Variants in DPYD observed in about 807,000 individuals in gnomAD.
DPYD encodes dihydropyrimidine dehydrogenase [NADP(+)].
In DPYD, 109 loss-of-function variants were observed where a neutral mutation model predicts 116.2. The ratio of observed to expected loss-of-function variants is 0.94; its 90% CI spans 0.80 to 1.10. DPYD has a LOEUF of 1.10. DPYD is among the 50% of genes least tolerant of loss of function. The pLI is 0.00. For missense variants in DPYD, 1,302 were observed against 1,254.5 expected (o/e 1.04, Z -0.57); for synonymous variants, 440 against 432.0 (o/e 1.02, Z -0.23).
intron 16 of DPYD, among the ~76,000 whole-genome samples, chr1:97,314,194 T>A (rs1169844059): frequency 6.6e-6 from 1 of 151,922 alleles, no homozygotes. Context: ...ACCATGATCC[T>A]TTCTGTCTGA....
intron 19 of DPYD, among the ~76,000 whole-genome samples, chr1:97,195,401 A>G (rs1470770045): frequency 1.3e-5 from 2 of 150,914 alleles, no homozygotes; most frequent in Non-Finnish European, 2.9e-5. Context: ...CTTTGATTAA[A>G]TACATTTTAT....
At chr1:97,505,126 T>C (rs1442864697) in intron 13 of DPYD, among the ~76,000 whole-genome samples, 5 of 152,038 alleles carry the variant, frequency 3.3e-5, no homozygotes, top group Non-Finnish European at 7.4e-5. Flanking sequence ...AAACCAGTTT[T>C]GTCAGAAAAG....
At chr1:97,151,706 TA>T (rs1655038855) in intron 20 of DPYD, among the ~76,000 whole-genome samples, 1 of 151,474 alleles carries the variant, frequency 6.6e-6, no homozygotes, top group African/African-American at 2.4e-5. Flanking sequence ...ATAAAAAAAT[TA>T]AAAAATGAAA....
chr1:97,297,190 T>C (rs989316588), intron 18 of DPYD, among the ~76,000 whole-genome samples: 2 of 152,184 alleles, frequency 1.3e-5, no homozygotes, highest in African/African-American at 2.4e-5. Context: ...AATTGAAACG[T>C]TGGACTCTCC....
chr1:97,738,047 A>G (rs181175510), intron 4 of DPYD, among the ~76,000 whole-genome samples: 4 of 152,274 alleles, frequency 2.6e-5, no homozygotes, highest in East Asian at 3.9e-4. Context: ...AAAATCATGG[A>G]AAAATCGATG....
chr1:97,480,127 ATT>A (rs930044053), intron 13 of DPYD, among the ~76,000 whole-genome samples: 1 of 151,738 alleles, frequency 6.6e-6, no homozygotes. Flanking sequence ...AAGAAAAATA[ATT>A]TTTTTTTACT....
At chr1:97,722,085 T>C (rs1348917904) in intron 4 of DPYD, among the ~76,000 whole-genome samples, 1 of 151,658 alleles carries the variant, frequency 6.6e-6, no homozygotes, top group Non-Finnish European at 1.5e-5. Flanking sequence ...TATACTCAGG[T>C]TATCCTCCAT....
At chr1:97,147,535 G>A (rs917714277) in intron 20 of DPYD, among the ~76,000 whole-genome samples, 2 of 152,114 alleles carry the variant, frequency 1.3e-5, no homozygotes, top group African/African-American at 2.4e-5. Context: ...ATATGTAAAG[G>A]GTCTGGAGAA....
At chr1:97,082,931 T>A (rs947435804) in intron 21 of DPYD, among the ~76,000 whole-genome samples, 6 of 152,140 alleles carry the variant, frequency 3.9e-5, no homozygotes, top group African/African-American at 1.4e-4. Context: ...TTTCACTGCA[T>A]GAGGATTTTA....
At position 97,474,271 on chromosome 1, in the gene DPYD, T is replaced by TA. The variant is rs1288243730; in HGVS notation, c.1741-24049dup. Among the ~76,000 whole-genome samples, 12 of 152,250 alleles carry TA rather than the reference T, an allele frequency of 7.9e-5. No homozygotes were observed. In the South Asian group the frequency reaches 8.3e-4, roughly 11 times the overall value. ...CCAGAAATGCAATTAATTTGTATTC[T>TA]AAATGTAAATATAAATATTAACACA... On this transcript the variant is annotated intron_variant, in intron 13 of 22. Transcript: ENST00000370192.
intron 8 of DPYD, among the ~76,000 whole-genome samples, chr1:97,654,577 C>A (rs1232499398): frequency 4.6e-5 from 7 of 152,044 alleles, no homozygotes; most frequent in African/African-American, 7.2e-5. Flanking sequence ...TGTATAGAAT[C>A]TCCAATACAT....
At chr1:97,654,363 T>C (rs1658771958) in intron 8 of DPYD, among the ~76,000 whole-genome samples, 1 of 152,174 alleles carries the variant, frequency 6.6e-6, no homozygotes. Flanking sequence ...CACTAAATTC[T>C]TTAAGGAATT....
intron 3 of DPYD, among the ~76,000 whole-genome samples, chr1:97,802,917 G>T (rs1435345998): frequency 6.6e-6 from 1 of 151,774 alleles, no homozygotes; most frequent in Non-Finnish European, 1.5e-5. Flanking sequence ...AAACTAAACT[G>T]AACTGGCAAG....
In DPYD at chr1:97,078,091, A is replaced by G. The variant is rs1294669117; in HGVS notation, c.*885T>C. 2.6e-5 allele frequency: 4 copies of G among 152,182 alleles called. No individual in the cohort carries two copies. The highest frequency in any genetic ancestry group is 9.6e-5 in the African/African-American group (4 of 41,460). 9.4% of individuals were successfully genotyped at this position (152,182 alleles called of 1,614,324 possible). On this transcript the variant is annotated 3_prime_UTR_variant, in exon 23 of 23. Coordinates refer to ENST00000370192, the MANE Select transcript of DPYD (RefSeq NM_000110.4). ...GGCACACTTAATATATATTATCAAC[A>G]TTATATTTTTCATTCTTGAATAATG...
chr1:97,740,517 T>C, intron 3 of DPYD, 38 bp from the exon 4 acceptor site: 2 of 1,525,966 alleles, frequency 1.3e-6, no homozygotes, highest in Non-Finnish European at 1.8e-6. Flanking sequence ...AACTACAAGA[T>C]AAGTGAGATA....
rs770741452 is a variant in DPYD, at chr1:97,082,425, A to G, written c.2812T>C (p.Leu938=). The G allele has an allele frequency of 1.2e-6, 2 of 1,613,674 alleles. No individual in the cohort carries two copies. The highest frequency in any genetic ancestry group is 1.7e-6 in the Non-Finnish European group (2 of 1,179,660). Reference sequence around the variant, plus strand: ...GCCACAACTTGCTCTACGTTGCTCAATTCACCAAATGTTCCAAGGTACTGC... The same window carrying G: ...GCCACAACTTGCTCTACGTTGCTCAGTTCACCAAATGTTCCAAGGTACTGC... The part of the protein sequence containing the change: ...ALQYLGTFGE[L]SNVEQVVAMI... The change falls in exon 22 of 23, where the codon TTG becomes CTG. Residue 938 remains leucine, a synonymous_variant. Coordinates refer to ENST00000370192, the MANE Select transcript of DPYD (RefSeq NM_000110.4).
chr1:97,366,375 G>A (rs188787642), intron 16 of DPYD, among the ~76,000 whole-genome samples: 1 of 152,138 alleles, frequency 6.6e-6, no homozygotes, highest in African/African-American at 2.4e-5. Flanking sequence ...AAAATAGGAT[G>A]AATCCAATGA....
intron 13 of DPYD, among the ~76,000 whole-genome samples, chr1:97,487,182 A>G (rs1321859872): frequency 6.6e-6 from 1 of 152,172 alleles, no homozygotes; most frequent in Non-Finnish European, 1.5e-5. Flanking sequence ...GTATATCCAC[A>G]CAATGGAGAA....
chr1:97,087,344 C>T (rs1024067074), intron 21 of DPYD, among the ~76,000 whole-genome samples: 2 of 152,136 alleles, frequency 1.3e-5, no homozygotes, highest in Admixed American at 6.5e-5. Flanking sequence ...GAGTACTGTA[C>T]AGTAAGAAAA....
Sources: gnomAD v4.1 joint callset for allele counts (sites outside exome capture counted in the v4.1 genomes callset) on GRCh38, gnomAD v4.1.1 for gene constraint, MANE v1.5 for transcripts, NCBI Gene and HGNC (gene_info 2026-07-23, HGNC 2026-07-21) for gene names.